RARB: variants seen among roughly 807,000 people sequenced by gnomAD.
RARB encodes the protein HBV-activated protein.
Under a neutral mutation model 51.9 loss-of-function variants are expected in RARB, and 17 were observed. The ratio of observed to expected loss-of-function variants is 0.33; its 90% CI spans 0.22 to 0.49. The LOEUF is 0.49. RARB is among the 20% of genes least tolerant of loss of function. RARB has a pLI of 0.99. For missense variants in RARB, 369 were observed against 550.8 expected (o/e 0.67, Z 3.30); for synonymous variants, 215 against 195.4 (o/e 1.10, Z -0.84).
chr3:25,072,965 T>G (rs1451821472), intron 3 of RARB, among the ~76,000 whole-genome samples: 1 of 152,150 alleles, frequency 6.6e-6, no homozygotes, highest in Non-Finnish European at 1.5e-5. Flanking sequence ...CCGAAAGTGC[T>G]GGGATTACAG....
At chr3:25,237,928 A>G (rs1408063761) in intron 5 of RARB, among the ~76,000 whole-genome samples, 4 of 152,140 alleles carry the variant, frequency 2.6e-5, no homozygotes. Flanking sequence ...TAGAGAGAGT[A>G]CATGTGATAC....
intron 2 of RARB, among the ~76,000 whole-genome samples, chr3:24,941,864 C>T (rs1455807084): frequency 2.6e-5 from 4 of 152,134 alleles, no homozygotes; most frequent in African/African-American, 9.7e-5. Context: ...AGTTAGGAGG[C>T]CAAAAACTTA....
At chr3:25,138,295 A>G (rs1474135742) in intron 4 of RARB, among the ~76,000 whole-genome samples, 1 of 151,842 alleles carries the variant, frequency 6.6e-6, no homozygotes, top group Non-Finnish European at 1.5e-5. Context: ...TTTTGCCTCC[A>G]GTCTGTGATA....
intron 5 of RARB, among the ~76,000 whole-genome samples, chr3:25,179,116 C>T (rs573102836): frequency 1.3e-5 from 2 of 152,156 alleles, no homozygotes; most frequent in African/African-American, 4.8e-5. Context: ...AAATCCCAAC[C>T]TTCTGGAGAG....
At chr3:25,578,344 C>T (rs1267896849) in intron 4 of RARB, among the ~76,000 whole-genome samples, 2 of 152,210 alleles carry the variant, frequency 1.3e-5, no homozygotes, top group African/African-American at 2.4e-5. Context: ...ATTTACATGC[C>T]GTTAAGACGG....
rs142135353 is a variant in RARB, at chr3:25,353,047, C to T, written c.179-108146C>T. 1.8e-3 allele frequency among the ~76,000 whole-genome samples: 276 copies of T among 152,302 alleles called. 1 individual carries two copies. The highest frequency in any genetic ancestry group is 5.8e-3 in the African/African-American group (243 of 41,572). ...TGCACCTCTTATGTGCCAAGTAATACGTGAGGCACTTAGAATACAGAAATC... is the reference window on the plus strand; with the variant it reads ...TGCACCTCTTATGTGCCAAGTAATATGTGAGGCACTTAGAATACAGAAATC... On this transcript the variant is annotated intron_variant, in intron 5 of 11. Transcript: ENST00000383772.
chr3:25,290,696 A>G (rs1703765399), intron 5 of RARB, among the ~76,000 whole-genome samples: 1 of 152,174 alleles, frequency 6.6e-6, no homozygotes, highest in Non-Finnish European at 1.5e-5. Context: ...ACCTCCTTGC[A>G]GTGACTTTGC....
chr3:25,461,169 C>T (rs1161956051), intron 1 of RARB, 24 bp from the exon 2 acceptor site: 4 of 1,490,810 alleles, frequency 2.7e-6, no homozygotes, highest in African/African-American at 1.4e-5. Context: ...TCTTTTTTCT[C>T]CCTCTACCCC....
chr3:24,997,338 A>T (rs1291215330), intron 2 of RARB, among the ~76,000 whole-genome samples: 2 of 151,108 alleles, frequency 1.3e-5, no homozygotes, highest in Non-Finnish European at 2.9e-5. Flanking sequence ...CACTTTCAGC[A>T]CATGTGTGTC....
Position 25,362,334 on chromosome 3 carries a change from T to A in RARB, c.179-98859T>A, listed in dbSNP as rs150580662. On this transcript the variant is annotated intron_variant, in intron 5 of 11. Coordinates refer to the RARB transcript ENST00000383772. Reference sequence around the variant, plus strand: ...AAGCCCCAGTAATGGTGGACGCCCCTCCCCCGACCAAACTCAAAAGTCCCA... The same window carrying A: ...AAGCCCCAGTAATGGTGGACGCCCCACCCCCGACCAAACTCAAAAGTCCCA... 2.0e-4 allele frequency among the ~76,000 whole-genome samples: 30 copies of A among 152,176 alleles called. No homozygotes were observed. The East Asian group carries it at 3.5e-3, about 18-fold the overall frequency.
At chr3:25,070,210 C>T (rs190213351) in intron 3 of RARB, among the ~76,000 whole-genome samples, 6 of 152,246 alleles carry the variant, frequency 3.9e-5, no homozygotes, top group Non-Finnish European at 8.8e-5. Context: ...TATTATAAGA[C>T]ATCAGTCATA....
At chr3:25,152,262 T>C (rs542903809) in intron 4 of RARB, among the ~76,000 whole-genome samples, 5 of 151,418 alleles carry the variant, frequency 3.3e-5, no homozygotes, top group Admixed American at 6.6e-5. Context: ...TGCTTTCAAC[T>C]CACTTGTCTT....
intron 5 of RARB, among the ~76,000 whole-genome samples, chr3:25,191,250 G>A (rs1222086741): frequency 6.6e-6 from 1 of 152,064 alleles, no homozygotes; most frequent in African/African-American, 2.4e-5. Flanking sequence ...TAAATACTTG[G>A]ACATTGCTTG....
At chr3:25,491,283 C>G (rs535113855) in intron 2 of RARB, among the ~76,000 whole-genome samples, 1 of 152,240 alleles carries the variant, frequency 6.6e-6, no homozygotes, top group Admixed American at 6.5e-5. Flanking sequence ...GCACCCCCAC[C>G]CCCAAGTCCC....
chr3:25,499,690 T>G (rs1365979142), intron 2 of RARB, among the ~76,000 whole-genome samples: 3 of 152,196 alleles, frequency 2.0e-5, no homozygotes, highest in Non-Finnish European at 2.9e-5. Context: ...AAAAATTTAT[T>G]TAACTCATTG....
At chr3:25,491,966 AT>A (rs142966441) in intron 2 of RARB, among the ~76,000 whole-genome samples, 12,684 of 151,968 alleles carry the variant, frequency 0.083, 622 homozygotes, top group Middle Eastern at 0.17. Context: ...TTATAAAATT[AT>A]TTTGAATTTT....
chr3:25,100,636 GATA>G (rs1027230664), intron 3 of RARB, among the ~76,000 whole-genome samples: 6 of 152,110 alleles, frequency 3.9e-5, no homozygotes, highest in Non-Finnish European at 5.9e-5. Flanking sequence ...TTTGTGATCT[GATA>G]ATGAGAGATA....
intron 3 of RARB, among the ~76,000 whole-genome samples, chr3:25,125,279 T>G (rs1433212698): frequency 6.6e-6 from 1 of 152,206 alleles, no homozygotes; most frequent in African/African-American, 2.4e-5. Context: ...TTTGACAGTT[T>G]AACACTTTTG....
intron 4 of RARB, among the ~76,000 whole-genome samples, chr3:25,570,523 C>G (rs1700667823): frequency 6.6e-6 from 1 of 152,184 alleles, no homozygotes; most frequent in Non-Finnish European, 1.5e-5. Context: ...CCCTCTGCTT[C>G]CCAGCGTTCC....
Sources: gnomAD v4.1 joint callset for allele counts (sites outside exome capture counted in the v4.1 genomes callset) on GRCh38, gnomAD v4.1.1 for gene constraint, MANE v1.5 for transcripts, NCBI Gene and HGNC (gene_info 2026-07-23, HGNC 2026-07-21) for gene names.